The following CDH12 variants were observed in gnomAD, a reference collection of about 807,000 sequenced individuals.
CDH12 encodes the protein cadherin-12.
Under a neutral mutation model 74.1 loss-of-function variants are expected in CDH12, and 41 were observed. That is an observed-to-expected ratio of 0.55 (90% CI 0.43 to 0.72). The LOEUF (loss-of-function observed/expected upper bound fraction) is 0.72, where lower values mean the gene tolerates loss of function less well. Among genes scored for constraint, CDH12 ranks in the 30% least tolerant of loss-of-function variants. The pLI is 0.00. For synonymous variants in CDH12, 399 were observed against 355.0 expected (o/e 1.12, Z -1.39); for missense variants, 945 against 977.2 (o/e 0.97, Z 0.44).
At chr5:22,829,970 C>G (rs1360087131) in intron 1 of CDH12, among the ~76,000 whole-genome samples, 1 of 152,080 alleles carries the variant, frequency 6.6e-6, no homozygotes, top group Non-Finnish European at 1.5e-5. Context: ...GTATTTATGT[C>G]AGCATAAAAC....
chr5:22,462,668 T>C (rs1051539955), intron 2 of CDH12, among the ~76,000 whole-genome samples: 2 of 152,124 alleles, frequency 1.3e-5, no homozygotes, highest in African/African-American at 4.8e-5. Flanking sequence ...CCTTGAGCCC[T>C]GACAGAATTA....
chr5:22,473,927 A>G (rs1456564036), intron 2 of CDH12, among the ~76,000 whole-genome samples: 1 of 152,162 alleles, frequency 6.6e-6, no homozygotes, highest in Admixed American at 6.6e-5. Context: ...CTAAATTTGA[A>G]GAGAAAAATG....
intron 1 of CDH12, among the ~76,000 whole-genome samples, chr5:22,696,415 C>T (rs1484400541): frequency 6.6e-6 from 1 of 151,364 alleles, no homozygotes; most frequent in African/African-American, 2.4e-5. Flanking sequence ...TACTTTTCTC[C>T]CCATCTGCAT....
intron 1 of CDH12, among the ~76,000 whole-genome samples, chr5:22,836,223 C>CTTTTTCTTTTTTTTTTT (rs1736816184): frequency 1.5e-5 from 1 of 65,506 alleles, no homozygotes; most frequent in African/African-American, 6.2e-5. Context: ...CTTTCTTTCT[C>CTTTTTCTTTTTTTTTTT]TTTTTTTTTT....
intron 5 of CDH12, among the ~76,000 whole-genome samples, chr5:22,048,351 G>A (rs1740110993): frequency 6.6e-6 from 1 of 152,258 alleles, no homozygotes; most frequent in South Asian, 2.1e-4. Context: ...TTGTAACAGT[G>A]TAGTACATCC....
intron 10 of CDH12, among the ~76,000 whole-genome samples, chr5:21,785,971 A>C (rs1746175965): frequency 6.6e-6 from 1 of 152,172 alleles, no homozygotes; most frequent in Non-Finnish European, 1.5e-5. Context: ...TCAAAGCTTC[A>C]AAAAACAGCC....
rs1249011516 is a variant in CDH12 at position 22,216,021 on chromosome 5, A to C, written c.-332-3378T>G. ...GTATTTTTCTCATATGTTAGTGATG[A>C]GGAATAAAAAGAGCAAGTGATTGTC... On this transcript the variant is annotated intron_variant, in intron 3 of 14. Transcript: ENST00000382254. 2.0e-5 allele frequency among the ~76,000 whole-genome samples: 3 copies of C among 152,084 alleles called. No homozygotes were observed. In the East Asian group the frequency reaches 5.8e-4, roughly 29 times the overall value.
At chr5:22,725,360 G>A (rs565875350) in intron 1 of CDH12, among the ~76,000 whole-genome samples, 1 of 151,970 alleles carries the variant, frequency 6.6e-6, no homozygotes, top group South Asian at 2.1e-4. Context: ...AACAGAAAGT[G>A]CTGAGAACCT....
At chr5:22,775,118 G>T (rs548506028) in intron 1 of CDH12, among the ~76,000 whole-genome samples, 18 of 151,716 alleles carry the variant, frequency 1.2e-4, no homozygotes, top group Non-Finnish European at 2.2e-4. Flanking sequence ...TACAGCTCAT[G>T]GGCAATTATT....
At chr5:22,794,887 A>G (rs1748106097) in intron 1 of CDH12, among the ~76,000 whole-genome samples, 1 of 152,160 alleles carries the variant, frequency 6.6e-6, no homozygotes. Flanking sequence ...TCAAAGTAAG[A>G]GAGGAACTAT....
In CDH12 at chr5:22,384,702, G is replaced by A. The variant is rs577529060; in HGVS notation, c.-333+20555C>T. Among the ~76,000 whole-genome samples, 6 of 152,144 alleles carry A rather than the reference G, an allele frequency of 3.9e-5. No individual in the cohort carries two copies. In the South Asian group the frequency reaches 1.2e-3, roughly 32 times the overall value. On this transcript the variant is annotated intron_variant, in intron 3 of 14. Transcript: ENST00000382254. ...TTCACAAGTTTTTAAGGCATTTGAT[G>A]TATTAGTATAGATGTGTATGTATGT...
chr5:21,947,524 CT>C (rs1460970572), intron 6 of CDH12, among the ~76,000 whole-genome samples: 1 of 152,204 alleles, frequency 6.6e-6, no homozygotes, highest in Non-Finnish European at 1.5e-5. Context: ...CATTTTGCCC[CT>C]GTCCTAGAGA....
At chr5:22,288,996 T>C (rs1438676831) in intron 3 of CDH12, among the ~76,000 whole-genome samples, 7 of 152,012 alleles carry the variant, frequency 4.6e-5, no homozygotes, top group Non-Finnish European at 1.5e-5. Context: ...CTGGCCTACA[T>C]AGCAAGACTC....
intron 3 of CDH12, among the ~76,000 whole-genome samples, chr5:22,251,510 G>A (rs1252318351): frequency 2.6e-5 from 4 of 152,258 alleles, no homozygotes; most frequent in South Asian, 2.1e-4. Flanking sequence ...TGTTACTAAA[G>A]CCGTATGAAA....
At chr5:22,129,396 T>G (rs1441128756) in intron 4 of CDH12, among the ~76,000 whole-genome samples, 2 of 152,194 alleles carry the variant, frequency 1.3e-5, no homozygotes, top group Non-Finnish European at 2.9e-5. Context: ...AAATGACACT[T>G]AGAATTTTTA....
intron 6 of CDH12, among the ~76,000 whole-genome samples, chr5:21,877,584 G>T (rs192812752): frequency 1.2e-4 from 18 of 152,286 alleles, no homozygotes; most frequent in Admixed American, 1.2e-3. Context: ...TGGATCTCTT[G>T]ATTCAGCCAC....
At chr5:21,846,149 A>G (rs1378345970) in intron 7 of CDH12, among the ~76,000 whole-genome samples, 1 of 152,194 alleles carries the variant, frequency 6.6e-6, no homozygotes, top group Non-Finnish European at 1.5e-5. Context: ...CAAACTGTGC[A>G]AATGGCACAC....
chr5:22,783,689 A>G (rs974848751), intron 1 of CDH12, among the ~76,000 whole-genome samples: 19 of 152,166 alleles, frequency 1.2e-4, no homozygotes, highest in African/African-American at 4.6e-4. Context: ...CCAATCTGCT[A>G]AACAAAAGAA....
At chr5:22,220,772 C>G (rs549846721) in intron 3 of CDH12, among the ~76,000 whole-genome samples, 3 of 151,798 alleles carry the variant, frequency 2.0e-5, no homozygotes, top group East Asian at 1.9e-4. Context: ...CATACTGATT[C>G]TCTCACAGAT....
Sources: allele counts gnomAD v4.1 joint callset (sites outside exome capture counted in the v4.1 genomes callset), GRCh38; gene constraint gnomAD v4.1.1; transcripts MANE v1.5; gene names NCBI Gene and HGNC (gene_info 2026-07-23, HGNC 2026-07-21).